Variants in MAP2K6 observed in about 807,000 individuals in gnomAD.
The protein encoded by MAP2K6 is mitogen-activated protein kinase kinase 6, also known as dual specificity mitogen-activated protein kinase kinase 6.
A neutral mutation model predicts 53.7 loss-of-function variants in MAP2K6; 16 were observed. The ratio of observed to expected loss-of-function variants is 0.30; its 90% confidence interval spans 0.20 to 0.45. The LOEUF is 0.45. Among genes scored for constraint, MAP2K6 ranks in the 20% least tolerant of loss-of-function variants. The pLI, the probability that MAP2K6 is intolerant of heterozygous loss-of-function variation, is 1.00. For missense variants in MAP2K6, 204 were observed against 411.9 expected (o/e 0.50, Z 4.37); for synonymous variants, 132 against 143.1 (o/e 0.92, Z 0.55).
rs80298531 is a variant in MAP2K6 at position 69,508,909 on chromosome 17, C to G, written c.83+3063C>G. On this transcript the variant is annotated intron_variant, in intron 2 of 11. Coordinates refer to ENST00000590474, the MANE Select transcript of MAP2K6 (RefSeq NM_002758.4). ...AATTGCTTCTGCTCCTTTGTCAATA[C>G]CAATTGGGCATATTTGTTTGAAGTT... is the stretch of plus-strand genomic sequence containing the variant. 3.4e-3 allele frequency among the ~76,000 whole-genome samples: 512 copies of G among 152,318 alleles called. 3 individuals are homozygous for G. Among genetic ancestry groups the G allele is most frequent in the African/African-American group, 0.012 (494 of 41,564 alleles).
At chr17:69,501,511 T>G (rs866553228) in intron 1 of MAP2K6, among the ~76,000 whole-genome samples, 3 of 152,204 alleles carry the variant, frequency 2.0e-5, no homozygotes, top group Admixed American at 6.6e-5. Flanking sequence ...TTTTTAAATT[T>G]TTTTTTCCAG....
chr17:69,535,935 C>T (rs1911333896), intron 10 of MAP2K6, 180 bp from the exon 11 acceptor site: 2 of 536,362 alleles, frequency 3.7e-6, no homozygotes, highest in South Asian at 4.0e-5. Flanking sequence ...TAAGGCACAA[C>T]CAGGGTGATT....
intron 1 of MAP2K6, among the ~76,000 whole-genome samples, chr17:69,426,231 T>C (rs1381592299): frequency 6.6e-6 from 1 of 152,214 alleles, no homozygotes; most frequent in Non-Finnish European, 1.5e-5. Context: ...TGGGTAGAAA[T>C]AGGCAGAAAT....
At chr17:69,420,856 C>G (rs769407810) in intron 1 of MAP2K6, among the ~76,000 whole-genome samples, 27 of 152,078 alleles carry the variant, frequency 1.8e-4, no homozygotes, top group Admixed American at 1.7e-3. Flanking sequence ...TTTTCTGTGT[C>G]CAAGAAATGG....
intron 1 of MAP2K6, among the ~76,000 whole-genome samples, chr17:69,449,370 T>C (rs557647582): frequency 1.8e-4 from 27 of 151,762 alleles, no homozygotes; most frequent in Non-Finnish European, 3.1e-4. Flanking sequence ...GCAGGTGCTG[T>C]GGAAGAGTTT....
chr17:69,533,147 T>C (rs766600167), intron 10 of MAP2K6, among the ~76,000 whole-genome samples: 7 of 152,124 alleles, frequency 4.6e-5, no homozygotes, highest in African/African-American at 1.2e-4. Flanking sequence ...CAGGCTGGTC[T>C]TGAACTCCTG....
At chr17:69,503,600 A>G (rs146578606) in intron 1 of MAP2K6, among the ~76,000 whole-genome samples, 400 of 152,262 alleles carry the variant, frequency 2.6e-3, no homozygotes, top group Non-Finnish European at 4.2e-3. Flanking sequence ...TCCTGGCTAT[A>G]TACAACTTGG....
intron 1 of MAP2K6, among the ~76,000 whole-genome samples, chr17:69,454,325 C>T (rs556171802): frequency 5.3e-5 from 8 of 152,206 alleles, no homozygotes; most frequent in Non-Finnish European, 1.0e-4. Context: ...GATGTTCTCA[C>T]TGTGTCCGGA....
At position 69,496,816 on chromosome 17, in the gene MAP2K6, G is replaced by T. The variant is rs559230903; in HGVS notation, c.17-8964G>T. Among the ~76,000 whole-genome samples the T allele has an allele frequency of 1.0e-3, 153 of 152,080 alleles. 1 individual carries two copies. Among genetic ancestry groups the T allele is most frequent in the African/African-American group, 3.5e-3 (145 of 41,472 alleles). ...TTCTGCCATGCGTCCCGTCCCTGCA[G>T]CATCTTATACTTAATACATCTGACT... is the stretch of plus-strand genomic sequence containing the variant. On this transcript the variant is annotated intron_variant, in intron 1 of 11. Transcript: ENST00000590474.
intron 10 of MAP2K6, among the ~76,000 whole-genome samples, chr17:69,535,879 TAC>T (rs3216906): frequency 0.058 from 8,521 of 147,406 alleles, 468 homozygotes; most frequent in African/African-American, 0.14. Context: ...AAAAGGAAAG[TAC>T]ACACACACAC....
intron 1 of MAP2K6, chr17:69,434,250 G>T (rs80009343): frequency 6.6e-6 from 1 of 152,256 alleles, no homozygotes; most frequent in East Asian, 1.9e-4. Flanking sequence ...ATGACATTTT[G>T]TTGGCATTTC....
At chr17:69,495,023 C>CA (rs1224426338) in intron 1 of MAP2K6, among the ~76,000 whole-genome samples, 1 of 148,260 alleles carries the variant, frequency 6.7e-6, no homozygotes, top group Admixed American at 6.8e-5. Flanking sequence ...AACCAAAAAC[C>CA]AAAAAACAAA....
chr17:69,477,230 G>C (rs1908183499), intron 1 of MAP2K6: 1 of 152,264 alleles, frequency 6.6e-6, no homozygotes, highest in Non-Finnish European at 1.5e-5. Context: ...CAGTACAGCG[G>C]CCATGCTAGG....
rs1008765139 is a variant in MAP2K6 at position 69,549,026 on chromosome 17, C to T, written c.*7273C>T. ...TCAGTATCATCTTGTAACACAAACA[C>T]GTGTTAATAGAACTTAAAAATACTC... is the stretch of plus-strand genomic sequence containing the variant. On this transcript the variant is annotated 3_prime_UTR_variant, in exon 12 of 12. Transcript: ENST00000590474. 1.3e-5 allele frequency: 2 copies of T among 152,158 alleles called. No homozygotes were observed. Among genetic ancestry groups the T allele is most frequent in the African/African-American group, 2.4e-5 (1 of 41,448 alleles). The allele number at this position is 152,158 out of a possible 1,614,324, so 9.4% of individuals were successfully genotyped here.
At chr17:69,428,826 C>T (rs1293867423) in intron 1 of MAP2K6, among the ~76,000 whole-genome samples, 2 of 149,384 alleles carry the variant, frequency 1.3e-5, no homozygotes, top group Non-Finnish European at 3.0e-5. Flanking sequence ...GGTCCTTGAA[C>T]GGACAGACTA....
intron 1 of MAP2K6, among the ~76,000 whole-genome samples, chr17:69,483,191 T>C (rs1471914718): frequency 1.3e-5 from 2 of 151,974 alleles, no homozygotes; most frequent in Non-Finnish European, 2.9e-5. Context: ...TCTCTGTTTG[T>C]AGATAGAAAA....
At chr17:69,520,206 T>G in intron 5 of MAP2K6, 64 bp from the exon 6 acceptor site, 1 of 858,930 alleles carries the variant, frequency 1.2e-6, no homozygotes, top group Non-Finnish European at 1.9e-6. Flanking sequence ...ACTGTTTTTT[T>G]TTTTTATTTT....
chr17:69,470,500 C>T, intron 1 of MAP2K6, among the ~76,000 whole-genome samples: 1 of 152,156 alleles, frequency 6.6e-6, no homozygotes, highest in Non-Finnish European at 1.5e-5. Flanking sequence ...TGGATGAATC[C>T]AGAGCCAGCA....
At chr17:69,466,885 T>C (rs1451725296) in intron 1 of MAP2K6, among the ~76,000 whole-genome samples, 3 of 152,170 alleles carry the variant, frequency 2.0e-5, no homozygotes, top group Non-Finnish European at 1.5e-5. Flanking sequence ...AGGCTCCCCA[T>C]TGAAATATTG....
Sources: gnomAD v4.1 joint callset for allele counts (sites outside exome capture counted in the v4.1 genomes callset) on GRCh38, gnomAD v4.1.1 for gene constraint, MANE v1.5 for transcripts, NCBI Gene and HGNC (gene_info 2026-07-23, HGNC 2026-07-21) for gene names.